Variants in DNAH6 observed in about 807,000 individuals in gnomAD.
DNAH6 encodes axonemal beta dynein heavy chain 6.
Under a neutral mutation model 491.4 loss-of-function variants are expected in DNAH6, and 340 were observed. The observed-to-expected ratio is 0.69, with a 90% confidence interval of 0.63 to 0.76. DNAH6 has a LOEUF of 0.76. Among genes scored for constraint, DNAH6 ranks in the 30% least tolerant of loss-of-function variants. The pLI, the probability that DNAH6 is intolerant of heterozygous loss-of-function variation, is 0.00. For missense variants in DNAH6, 4,443 were observed against 4,972.2 expected, an observed-to-expected ratio of 0.89 and a Z score of 3.20; for synonymous variants, 1,603 against 1,686.1, an observed-to-expected ratio of 0.95 and a Z score of 1.21.
At chr2:84,793,048 T>C (rs1200586200) in intron 68 of DNAH6, among the ~76,000 whole-genome samples, 1 of 152,140 alleles carries the variant, frequency 6.6e-6, no homozygotes, top group Non-Finnish European at 1.5e-5. Context: ...CTCCAGTTTT[T>C]ATTGGACCAT....
At chr2:84,608,548 C>A (rs900442082) in intron 21 of DNAH6, among the ~76,000 whole-genome samples, 1 of 152,108 alleles carries the variant, frequency 6.6e-6, no homozygotes, top group African/African-American at 2.4e-5. Flanking sequence ...TGTCAATGAG[C>A]AGTAATATTT....
At chr2:84,816,806 A>G (rs1203501055) in intron 76 of DNAH6, among the ~76,000 whole-genome samples, 1 of 152,206 alleles carries the variant, frequency 6.6e-6, no homozygotes, top group African/African-American at 2.4e-5. Context: ...TACAGCCCTG[A>G]AAAAAGAAAC....
At chr2:84,513,926 TG>T (rs747093913), upstream of DNAH6, among the ~76,000 whole-genome samples, 12 of 152,328 alleles carry the variant, frequency 7.9e-5, no homozygotes, top group Middle Eastern at 3.4e-3. Context: ...TGTAGGTTTT[TG>T]TCACTGCCAG....
intron 68 of DNAH6, 40 bp downstream of exon 68, chr2:84,787,342 CA>C (rs928709753): frequency 1.3e-6 from 2 of 1,522,520 alleles, no homozygotes; most frequent in Non-Finnish European, 1.8e-6. Context: ...ATCTATGTAC[CA>C]CAAAGTTGTT....
At chr2:84,476,393 T>C in the DNAH6 span, among the ~76,000 whole-genome samples, 1 of 152,216 alleles carries the variant, frequency 6.6e-6, no homozygotes, top group Non-Finnish European at 1.5e-5. Context: ...GTAAGTTTTG[T>C]AGCTAATTCA....
At chr2:84,807,877 C>T (rs1324076150) in intron 71 of DNAH6, among the ~76,000 whole-genome samples, 1 of 152,202 alleles carries the variant, frequency 6.6e-6, no homozygotes, top group Non-Finnish European at 1.5e-5. Flanking sequence ...CTCAACCCCT[C>T]ACCTCCTCCC....
chr2:84,756,167 T>C (rs1673997910), intron 63 of DNAH6, among the ~76,000 whole-genome samples: 1 of 152,216 alleles, frequency 6.6e-6, no homozygotes, highest in Non-Finnish European at 1.5e-5. Context: ...GGAAGTTCTC[T>C]TCTATATTCC....
chr2:84,487,246 C>A, the DNAH6 span, among the ~76,000 whole-genome samples: 1 of 152,164 alleles, frequency 6.6e-6, no homozygotes, highest in Non-Finnish European at 1.5e-5. Flanking sequence ...TTATATCTAC[C>A]CATCCTCTGG....
In DNAH6 at chr2:84,745,249, G is replaced by T. The variant is rs1423695668; in HGVS notation, c.10512G>T (p.Lys3504Asn). The change falls in exon 63 of 77, where the codon AAG becomes AAT. Residue 3504 changes from lysine to asparagine, a missense_variant and splice_region_variant. This residue lies in a region of DNAH6 where 1,463 missense variants were observed against 1,656.6 expected (regional missense o/e 0.88). Coordinates refer to ENST00000389394, the MANE Select transcript of DNAH6 (RefSeq NM_001370.2). Reference protein sequence around the residue: ...LILIKCCKEEKVVFALTDFVI... With the variant: ...LILIKCCKEENVVFALTDFVI... Reference sequence around the variant, plus strand: ...TTATTAAATGTTGTAAAGAAGAAAAGGTAGGGCATTTTTTTAATTAAAGGA... The same window carrying T: ...TTATTAAATGTTGTAAAGAAGAAAATGTAGGGCATTTTTTTAATTAAAGGA... 10 of 1,476,990 alleles carry T rather than the reference G, an allele frequency of 6.8e-6. No individual in the cohort carries two copies. The highest frequency in any genetic ancestry group is 9.0e-6 in the Non-Finnish European group (10 of 1,113,452). 91.5% of individuals were successfully genotyped at this position (1,476,990 alleles called of 1,614,324 possible). A position where few individuals can be genotyped will look rare whatever the true frequency, so the allele number is the denominator to read the frequency against.
chr2:84,696,464 T>C (rs1004056046), intron 46 of DNAH6, among the ~76,000 whole-genome samples: 9 of 151,994 alleles, frequency 5.9e-5, no homozygotes, highest in African/African-American at 2.2e-4. Context: ...AATTTACATT[T>C]GTAGATTTGA....
At chr2:84,551,471 AT>A (rs1442796056) in intron 9 of DNAH6, among the ~76,000 whole-genome samples, 1 of 152,204 alleles carries the variant, frequency 6.6e-6, no homozygotes, top group African/African-American at 2.4e-5. Context: ...ATTATGAAAT[AT>A]TTCCAATGTC....
At chr2:84,701,623 C>T (rs578103901) in intron 49 of DNAH6, among the ~76,000 whole-genome samples, 2 of 152,282 alleles carry the variant, frequency 1.3e-5, no homozygotes, top group South Asian at 2.1e-4. Flanking sequence ...GAAACAGGCA[C>T]ATTTTATGTG....
At chr2:84,477,791 A>G in the DNAH6 span, among the ~76,000 whole-genome samples, 1 of 152,200 alleles carries the variant, frequency 6.6e-6, no homozygotes, top group South Asian at 2.1e-4. Flanking sequence ...GGGAAGGAAA[A>G]GCATTTGCTA....
In DNAH6 at chr2:84,812,508, G is replaced by A. The variant is rs1680088236; in HGVS notation, c.11907G>A (p.Leu3969=). Residue 3969 remains leucine (L), a synonymous_variant, in exon 73 of 77, where the codon CTG becomes CTA. Transcript: ENST00000389394. Reference sequence around the variant, plus strand: ...GATCATGGGTCAAAGACCTTATCCTGAGGACCTCATTTGTGGATGTAAGAA... The same window carrying A: ...GATCATGGGTCAAAGACCTTATCCTAAGGACCTCATTTGTGGATGTAAGAA... The part of the protein sequence containing the change: ...PLGSWVKDLI[L]RTSFVDLWLK... The A allele has an allele frequency of 6.5e-6, 10 of 1,548,904 alleles. No individual in the cohort carries two copies. Among genetic ancestry groups the A allele is most frequent in the African/African-American group, 1.4e-5 (1 of 72,878 alleles).
chr2:84,702,881 G>T (rs887841628), intron 49 of DNAH6, among the ~76,000 whole-genome samples: 1 of 152,104 alleles, frequency 6.6e-6, no homozygotes, highest in African/African-American at 2.4e-5. Flanking sequence ...TTCTTCCCAG[G>T]TGTCTCCTTT....
At chr2:84,525,778 T>A in intron 3 of DNAH6, 40 bp downstream of exon 3, 1 of 1,452,956 alleles carries the variant, frequency 6.9e-7, no homozygotes, top group Non-Finnish European at 9.3e-7. Context: ...TTTAACTTAA[T>A]TTTGTTTTGT....
chr2:84,816,053 G>C lies in DNAH6; in HGVS notation c.12343G>C (p.Gly4115Arg). ...TLYHCPLYKT[G>R]ARAGTLSTTG... The stretch of plus-strand genomic sequence containing the variant: ...TTACCACTGCCCACTTTATAAAACA[G>C]GAGCCCGGGCAGGAACACTCTCAAC... Residue 4115 changes from glycine to arginine, a missense_variant, in exon 76 of 77, where the codon GGA (glycine) becomes CGA (arginine). Coordinates refer to ENST00000389394, the MANE Select transcript of DNAH6 (RefSeq NM_001370.2). 3.2e-6 allele frequency: 5 copies of C among 1,551,566 alleles called. No homozygotes were observed. The highest frequency in any genetic ancestry group is 4.4e-6 in the Non-Finnish European group (5 of 1,146,954).
At chr2:84,494,578 A>G in the DNAH6 span, among the ~76,000 whole-genome samples, 2 of 152,242 alleles carry the variant, frequency 1.3e-5, no homozygotes, top group Non-Finnish European at 2.9e-5. Flanking sequence ...AGAGTAGAAT[A>G]ATATCTGCAT....
chr2:84,684,094 C>G (rs1173089863), intron 42 of DNAH6, among the ~76,000 whole-genome samples: 1 of 152,214 alleles, frequency 6.6e-6, no homozygotes, highest in Admixed American at 6.5e-5. Context: ...ACTCTCAAAG[C>G]TGGCACACCA....
Sources: allele counts gnomAD v4.1 joint callset (sites outside exome capture counted in the v4.1 genomes callset), GRCh38; gene constraint gnomAD v4.1.1; regional missense constraint gnomAD v4.1.1; transcripts MANE v1.5; gene names NCBI Gene and HGNC (gene_info 2026-07-23, HGNC 2026-07-21).